Variants in ZNF736 observed in about 807,000 individuals in gnomAD.
The protein encoded by ZNF736 is zinc finger protein 736.
In ZNF736, 6 loss-of-function variants were observed where a neutral mutation model predicts 11.7. The ratio of observed to expected loss-of-function variants is 0.51; its 90% CI spans 0.28 to 1.01. The LOEUF (loss-of-function observed/expected upper bound fraction) is 1.01, where lower values mean the gene tolerates loss of function less well. Among genes scored for constraint, ZNF736 ranks in the 50% least tolerant of loss-of-function variants. The probability of loss-of-function intolerance (pLI) is 0.09; values close to 1 mark genes in which losing one functional copy is unlikely to be tolerated. For synonymous variants in ZNF736, 139 were observed against 164.7 expected (o/e 0.84, Z 1.19); for missense variants, 444 against 496.0 (o/e 0.90, Z 1.00).
rs189402264 is a variant in ZNF736, at chr7:64,335,135, G to A, written c.4-1124G>A. ...AGGGAGGGAAACATCACACACCAGG[G>A]CCTGTCAGCAGATGGGGGCAAGGGG... On this transcript the variant is annotated intron_variant, in intron 1 of 3. Transcript: ENST00000423484. Among the ~76,000 whole-genome samples the A allele has an allele frequency of 2.5e-4, 38 of 152,212 alleles. No homozygotes were observed. The East Asian group carries it at 7.0e-3, about 28-fold the overall frequency.
At chr7:64,335,268 CCTG>C (rs1417850374) in intron 1 of ZNF736, among the ~76,000 whole-genome samples, 1 of 151,782 alleles carries the variant, frequency 6.6e-6, no homozygotes, top group African/African-American at 2.4e-5. Flanking sequence ...ATGTAACAAA[CCTG>C]CACATGTATC....
intron 3 of ZNF736, 106 bp downstream of exon 3, chr7:64,337,088 G>C: frequency 1.1e-6 from 1 of 945,360 alleles, no homozygotes; most frequent in Non-Finnish European, 1.6e-6. Flanking sequence ...CAGTGGAAAT[G>C]GTTTCTGAGA....
intron 1 of ZNF736, among the ~76,000 whole-genome samples, chr7:64,334,301 C>G (rs565947192): frequency 6.6e-6 from 1 of 152,262 alleles, no homozygotes; most frequent in South Asian, 2.1e-4. Context: ...CAAATGGGAT[C>G]TAATTAAACT....
Position 64,356,466 on chromosome 7 carries a change from A to AT in ZNF736, c.*7324dup, listed in dbSNP as rs796146218. Among the ~76,000 whole-genome samples the AT allele has an allele frequency of 2.6e-5, 4 of 152,134 alleles. No homozygotes were observed. Among genetic ancestry groups the AT allele is most frequent in the Non-Finnish European group, 5.9e-5 (4 of 67,984 alleles). Reference sequence around the variant, plus strand: ...CCAATAAAATGTTTTTAAGTTGCCTATTTTTAAAAAAATCTATCAATTTTG... The same window carrying AT: ...CCAATAAAATGTTTTTAAGTTGCCTATTTTTTAAAAAAATCTATCAATTTTG... On this transcript the variant is annotated 3_prime_UTR_variant, in exon 4 of 4. Coordinates refer to ENST00000423484, the MANE Select transcript of ZNF736 (RefSeq NM_001170905.3).
rs1024558371 is a variant in ZNF736, at chr7:64,353,508, A to G, written c.*4361A>G. 2 of 152,200 alleles carry G rather than the reference A, an allele frequency of 1.3e-5. No homozygotes were observed. The highest frequency in any genetic ancestry group is 2.4e-5 in the African/African-American group (1 of 41,438). 9.4% of individuals were successfully genotyped at this position (152,200 alleles called of 1,614,324 possible). On this transcript the variant is annotated 3_prime_UTR_variant, in exon 4 of 4. Coordinates refer to ENST00000423484, the MANE Select transcript of ZNF736 (RefSeq NM_001170905.3). ...CAATATTTTTCAAAAGCAAATTTCA[A>G]TATAATTTAACTCTTACATTTGATG...
chr7:64,346,794 CT>C (rs1434417239), intron 3 of ZNF736, among the ~76,000 whole-genome samples: 1 of 150,794 alleles, frequency 6.6e-6, no homozygotes, highest in Non-Finnish European at 1.5e-5. Context: ...TCTTTCTGTG[CT>C]TTTTATCTTT....
chr7:64,344,404 T>C (rs1419042060), intron 3 of ZNF736, among the ~76,000 whole-genome samples: 2 of 152,262 alleles, frequency 1.3e-5, no homozygotes, highest in African/African-American at 4.8e-5. Flanking sequence ...TTTAGAACTT[T>C]TATTTTTGTA....
rs1180184655 is a variant in ZNF736, at chr7:64,336,818, T to C, written c.131-69T>C. On this transcript the variant is annotated intron_variant, in intron 2 of 3. Coordinates refer to ENST00000423484, the MANE Select transcript of ZNF736 (RefSeq NM_001170905.3). ...TTCTATAATGTTCTCTCTTCTCTACTGAGCATAGTACTAGATTAGTAATCA... is the reference window on the plus strand; with the variant it reads ...TTCTATAATGTTCTCTCTTCTCTACCGAGCATAGTACTAGATTAGTAATCA... 4.8e-6 allele frequency: 6 copies of C among 1,246,202 alleles called. No homozygotes were observed. The Admixed American group carries it at 6.0e-5, about 12-fold the overall frequency. The allele number at this position is 1,246,202 out of a possible 1,614,324, so 77.2% of individuals were successfully genotyped here. A position where few individuals can be genotyped will look rare whatever the true frequency, so the allele number is the denominator to read the frequency against.
At position 64,320,835 on chromosome 7, in the gene ZNF736, T is replaced by A. The variant is rs1246256094; in HGVS notation, c.3+6682T>A. The stretch of plus-strand genomic sequence containing the variant: ...AAAACCTGCCGTTTCCAATTGTGCA[T>A]GGAAATATATTAATTTAGAAATGTC... On this transcript the variant is annotated intron_variant, in intron 1 of 3. Transcript: ENST00000423484. Among the ~76,000 whole-genome samples the A allele has an allele frequency of 2.0e-5, 3 of 152,206 alleles. No individual in the cohort carries two copies. In the East Asian group the frequency reaches 5.8e-4, roughly 29 times the overall value.
rs147991832 is a variant in ZNF736, at chr7:64,337,755, G to GTTT, written c.226+773_226+774insTTT. 5.3e-3 allele frequency among the ~76,000 whole-genome samples: 456 copies of GTTT among 86,168 alleles called. 14 individuals are homozygous for GTTT. Among genetic ancestry groups the GTTT allele is most frequent in the Middle Eastern group, 0.011 (2 of 182 alleles). 56.5% of individuals were successfully genotyped at this position (86,168 alleles called of 152,430 possible). A position where few individuals can be genotyped will look rare whatever the true frequency, so the allele number is the denominator to read the frequency against. On this transcript the variant is annotated intron_variant, in intron 3 of 3. Transcript: ENST00000423484. ...TGTTTTGTTTTGTTTTGTTTTTTTT[G>GTTT]GTTTTTTTTTTTTTTTGAGACAGAG...
chr7:64,344,234 A>G (rs1256453499), intron 3 of ZNF736, among the ~76,000 whole-genome samples: 4 of 152,200 alleles, frequency 2.6e-5, no homozygotes, highest in Non-Finnish European at 4.4e-5. Context: ...CCTGGGAGGC[A>G]GAGGTTGCAG....
Position 64,349,834 on chromosome 7 carries a change from T to C in ZNF736, c.*687T>C, listed in dbSNP as rs1486792856. 3.9e-5 allele frequency: 6 copies of C among 152,330 alleles called. No individual in the cohort carries two copies. Among genetic ancestry groups the C allele is most frequent in the Non-Finnish European group, 5.9e-5 (4 of 68,104 alleles). 9.4% of individuals were successfully genotyped at this position (152,330 alleles called of 1,614,324 possible). A position where few individuals can be genotyped will look rare whatever the true frequency, so the allele number is the denominator to read the frequency against. ...TTCTGAAGCTTACCTTGGTCAGATA[T>C]GAAATTCTGTGTTGGAATTCTTTTT... On this transcript the variant is annotated 3_prime_UTR_variant, in exon 4 of 4. Transcript: ENST00000423484.
intron 2 of ZNF736, 68 bp downstream of exon 2, chr7:64,336,453 G>C: frequency 6.8e-7 from 1 of 1,460,924 alleles, no homozygotes; most frequent in Non-Finnish European, 9.1e-7. Context: ...GATTTTTTTG[G>C]AGGTTCTGCT....
intron 1 of ZNF736, among the ~76,000 whole-genome samples, chr7:64,327,313 C>T (rs990928536): frequency 6.6e-6 from 1 of 152,124 alleles, no homozygotes; most frequent in African/African-American, 2.4e-5. Flanking sequence ...GTCTTAAAGT[C>T]TGTTTTGTTT....
At chr7:64,334,860 A>G (rs12670355) in intron 1 of ZNF736, among the ~76,000 whole-genome samples, 46,936 of 152,124 alleles carry the variant, frequency 0.31, 7,417 homozygotes, top group African/African-American at 0.34. Context: ...AGCACTATTT[A>G]CAATAGCAAA....
At chr7:64,319,061 A>G (rs1788956517) in intron 1 of ZNF736, among the ~76,000 whole-genome samples, 1 of 152,126 alleles carries the variant, frequency 6.6e-6, no homozygotes, top group Admixed American at 6.6e-5. Flanking sequence ...AAATGGAAGA[A>G]TTAATTCCAG....
chr7:64,318,120 A>G (rs1205460376), intron 1 of ZNF736, among the ~76,000 whole-genome samples: 1 of 151,962 alleles, frequency 6.6e-6, no homozygotes, highest in East Asian at 1.9e-4. Flanking sequence ...TATATTTTCT[A>G]ATTTTTAGAA....
rs1218505554 is a variant in ZNF736 at position 64,349,044 on chromosome 7, A to G, written c.1181A>G (p.Glu394Gly). 1.9e-6 allele frequency: 3 copies of G among 1,606,496 alleles called. No homozygotes were observed. The Admixed American group carries it at 5.1e-5, about 27-fold the overall frequency. ...AATCATAAGAGAATTCACACTGGAG[A>G]GAAACCCTACAAATGTGAAGAATGT... Reference protein sequence around the residue: ...LTNHKRIHTGEKPYKCEECGK... With the variant: ...LTNHKRIHTGGKPYKCEECGK... The change falls in exon 4 of 4, where the codon GAG (glutamate) becomes GGG (glycine). Residue 394 changes from glutamate to glycine, a missense_variant. Coordinates refer to ENST00000423484, the MANE Select transcript of ZNF736 (RefSeq NM_001170905.3).
chr7:64,340,649 C>A (rs763745154), intron 3 of ZNF736, among the ~76,000 whole-genome samples: 1 of 152,224 alleles, frequency 6.6e-6, no homozygotes, highest in Non-Finnish European at 1.5e-5. Context: ...TAAAATGATT[C>A]TTTTTCTGCC....
Sources: allele counts gnomAD v4.1 joint callset (sites outside exome capture counted in the v4.1 genomes callset), GRCh38; gene constraint gnomAD v4.1.1; transcripts MANE v1.5; gene names NCBI Gene and HGNC (gene_info 2026-07-23, HGNC 2026-07-21).